The following ABR variants were observed in gnomAD, a reference collection of about 807,000 sequenced individuals.
ABR encodes ABR activator of RhoGEF and GTPase, also known as active breakpoint cluster region-related protein.
ABR carries 35 observed loss-of-function variants against 107.2 expected under a neutral mutation model. The observed-to-expected ratio is 0.33, with a 90% CI of 0.25 to 0.43. ABR has a LOEUF of 0.43. Among genes scored for constraint, ABR ranks in the 20% least tolerant of loss-of-function variants. The pLI is 1.00. For synonymous variants in ABR, 498 were observed against 462.0 expected (o/e 1.08, Z -1.00); for missense variants, 815 against 1,115.2 (o/e 0.73, Z 3.83).
At chr17:1,133,839 C>G (rs144456825) in intron 1 of ABR, among the ~76,000 whole-genome samples, 1 of 152,198 alleles carries the variant, frequency 6.6e-6, no homozygotes. Flanking sequence ...CTGCCCTACA[C>G]CATTCTGGCC....
At chr17:1,054,844 G>A (rs2033080837) in intron 14 of ABR, among the ~76,000 whole-genome samples, 1 of 152,156 alleles carries the variant, frequency 6.6e-6, no homozygotes, top group Non-Finnish European at 1.5e-5. Context: ...ACGGCCCGGG[G>A]AGTCACCTCT....
rs544376413 is a variant in ABR, at chr17:1,141,117, G to A, written c.62-15750C>T. ...GCTCAGCTGAAGCCGAGTGGGTGTC[G>A]TAGGCAACGGGAAAGTAGACACCTT... On this transcript the variant is annotated intron_variant, in intron 1 of 22. Transcript: ENST00000302538. 2.1e-4 allele frequency among the ~76,000 whole-genome samples: 32 copies of A among 152,286 alleles called. No homozygotes were observed. The East Asian group carries it at 5.4e-3, about 26-fold the overall frequency.
At chr17:1,066,977 G>C (rs943920340) in intron 10 of ABR, 100 bp downstream of exon 10, 5 of 1,286,790 alleles carry the variant, frequency 3.9e-6, no homozygotes, top group Non-Finnish European at 5.4e-6. Flanking sequence ...CACACTCAAG[G>C]CTCCCTCTCA....
upstream of ABR, among the ~76,000 whole-genome samples, chr17:1,188,206 T>A (rs1309534315): frequency 6.6e-6 from 1 of 151,466 alleles, no homozygotes; most frequent in African/African-American, 2.4e-5. Flanking sequence ...AGACCCTGTC[T>A]CAAAAAAACA....
chr17:1,089,884 C>T (rs181642937), intron 4 of ABR, among the ~76,000 whole-genome samples: 9 of 152,256 alleles, frequency 5.9e-5, no homozygotes, highest in Admixed American at 3.3e-4. Flanking sequence ...CACTTGAACC[C>T]GCGAGGAGGA....
rs2072974709 is a variant in ABR at position 1,033,742 on chromosome 17, C to T, written c.1791+16308G>A. On this transcript the variant is annotated intron_variant, in intron 16 of 22. Transcript: ENST00000302538. ...CTGCTAAGTGGGGGCTGAGCCACAA[C>T]AGCCTCACCAGCACCGCCTGAGGGG... Among the ~76,000 whole-genome samples the T allele has an allele frequency of 3.3e-5, 5 of 152,308 alleles. No homozygotes were observed. The South Asian group carries it at 1.0e-3, about 32-fold the overall frequency.
chr17:1,022,827 C>T (rs998278433), intron 16 of ABR, among the ~76,000 whole-genome samples: 3 of 152,226 alleles, frequency 2.0e-5, no homozygotes, highest in Non-Finnish European at 2.9e-5. Context: ...CCCAGGGCCT[C>T]GGCTGGCTTC....
At chr17:1,203,334 G>A (rs1410245109) in intron 1 of ABR, among the ~76,000 whole-genome samples, 1 of 142,218 alleles carries the variant, frequency 7.0e-6, no homozygotes, top group Non-Finnish European at 1.5e-5. Flanking sequence ...TGGGGGGCGG[G>A]GTCCGCGGGG....
intron 10 of ABR, among the ~76,000 whole-genome samples, chr17:1,062,678 G>A: frequency 6.9e-6 from 1 of 145,960 alleles, no homozygotes; most frequent in Non-Finnish European, 1.6e-5. Context: ...TGTGAACTGA[G>A]GGCTATACAT....
chr17:1,170,554 A>G (rs905450810), intron 1 of ABR, among the ~76,000 whole-genome samples: 4 of 152,024 alleles, frequency 2.6e-5, no homozygotes, highest in African/African-American at 9.7e-5. Flanking sequence ...CTCCTACCTC[A>G]GCCTCCCGAG....
intron 9 of ABR, among the ~76,000 whole-genome samples, chr17:1,068,365 C>G (rs1597655466): frequency 1.3e-5 from 2 of 152,224 alleles, no homozygotes; most frequent in Admixed American, 1.3e-4. Context: ...GGGGGCACAG[C>G]CAGCCAGGGA....
chr17:1,093,742 C>T (rs1278208214), intron 3 of ABR, among the ~76,000 whole-genome samples: 1 of 152,210 alleles, frequency 6.6e-6, no homozygotes, highest in Admixed American at 6.5e-5. Flanking sequence ...CCCAGCCTCA[C>T]TCCAGCCTCA....
Position 1,084,241 on chromosome 17 carries a change from G to C in ABR, c.532-614C>G, listed in dbSNP as rs2036449091. ...AAAATACAAAAATTAGCTGGGCATG[G>C]TGGCGCGTGCCTGTAATCCCAGGTA... On this transcript the variant is annotated intron_variant, in intron 4 of 22. Coordinates refer to ENST00000302538, the MANE Select transcript of ABR (RefSeq NM_021962.5). The surrounding 1 kb of genome is among the most constrained non-coding windows in gnomAD (Gnocchi z 4.2). Among the ~76,000 whole-genome samples the C allele has an allele frequency of 6.6e-6, 1 of 152,240 alleles. No individual in the cohort carries two copies. The highest frequency in any genetic ancestry group is 6.5e-5 in the Admixed American group (1 of 15,278).
intron 16 of ABR, chr17:1,031,751 GAC>G (rs1056673063): frequency 4.0e-6 from 5 of 1,236,270 alleles, no homozygotes; most frequent in African/African-American, 1.6e-5. Context: ...TGCCGGGGGG[GAC>G]GGGACGCGGC....
At chr17:1,057,729 G>C in intron 12 of ABR, 2 of 493,504 alleles carry the variant, frequency 4.1e-6, no homozygotes, top group Non-Finnish European at 7.4e-6. Flanking sequence ...TAGAGAGAGA[G>C]AGAAAGCCCA....
At chr17:1,064,233 A>G in intron 10 of ABR, among the ~76,000 whole-genome samples, 1 of 89,392 alleles carries the variant, frequency 1.1e-5, no homozygotes, top group East Asian at 3.6e-4. Context: ...GTTCCTCTAG[A>G]CGCTGCTGTT....
chr17:1,024,763 G>GACTC (rs2072033907), intron 16 of ABR, among the ~76,000 whole-genome samples: 1 of 138,682 alleles, frequency 7.2e-6, no homozygotes, highest in Non-Finnish European at 1.5e-5. Flanking sequence ...TCCAGCCTGG[G>GACTC]CGAGAGAGTG....
intron 16 of ABR, among the ~76,000 whole-genome samples, chr17:1,017,677 A>G (rs2071269851): frequency 6.6e-6 from 1 of 151,848 alleles, no homozygotes; most frequent in South Asian, 2.1e-4. Context: ...CATGTTGGCC[A>G]GGCTGGTCTC....
chr17:1,088,756 T>C (rs1347149197), intron 4 of ABR, among the ~76,000 whole-genome samples: 1 of 151,602 alleles, frequency 6.6e-6, no homozygotes, highest in Non-Finnish European at 1.5e-5. Context: ...GCCCGGCTAA[T>C]TTTTGTATTT....
Sources: allele counts gnomAD v4.1 joint callset (sites outside exome capture counted in the v4.1 genomes callset), GRCh38; gene constraint gnomAD v4.1.1; non-coding constraint Gnocchi (gnomAD v3.1); transcripts MANE v1.5; gene names NCBI Gene and HGNC (gene_info 2026-07-23, HGNC 2026-07-21).